KCTD1: variants seen among roughly 807,000 people sequenced by gnomAD.
The protein encoded by KCTD1 is BTB/POZ domain-containing protein KCTD1.
A neutral mutation model predicts 66.0 loss-of-function variants in KCTD1; 24 were observed. The observed-to-expected ratio is 0.36, with a 90% CI of 0.26 to 0.51. The LOEUF is 0.51. KCTD1 is among the 20% of genes least tolerant of loss of function. KCTD1 has a pLI of 0.95. For missense variants in KCTD1, 943 were observed against 1,205.2 expected (o/e 0.78, Z 3.22); for synonymous variants, 511 against 517.2 (o/e 0.99, Z 0.16).
chr18:26,524,359 C>T (rs892783525), intron 1 of KCTD1, among the ~76,000 whole-genome samples: 25 of 152,160 alleles, frequency 1.6e-4, no homozygotes, highest in African/African-American at 6.0e-4. Context: ...CAAAGCTTCC[C>T]CTAATACAGA....
chr18:26,626,370 G>A (rs1398854702), intron 1 of KCTD1, among the ~76,000 whole-genome samples: 1 of 151,904 alleles, frequency 6.6e-6, no homozygotes, highest in African/African-American at 2.4e-5. Flanking sequence ...TTATCTATTG[G>A]TAAGTTCAAT....
At chr18:26,578,510 T>C (rs531886336) in intron 1 of KCTD1, among the ~76,000 whole-genome samples, 1 of 152,356 alleles carries the variant, frequency 6.6e-6, no homozygotes, top group African/African-American at 2.4e-5. Context: ...ACTCATTTTT[T>C]TAATAAAATT....
chr18:26,510,820 T>C (rs576489057), intron 1 of KCTD1, among the ~76,000 whole-genome samples: 162 of 152,364 alleles, frequency 1.1e-3, no homozygotes, highest in African/African-American at 3.7e-3. Flanking sequence ...ATAGCTACTA[T>C]TCACTTTTAA....
intron 1 of KCTD1, among the ~76,000 whole-genome samples, chr18:26,634,566 C>G (rs1987683566): frequency 6.6e-6 from 1 of 152,042 alleles, no homozygotes; most frequent in African/African-American, 2.4e-5. Context: ...GAGCTAAAAA[C>G]AACAGTATGT....
At chr18:26,553,827 T>A (rs1272588036) in intron 1 of KCTD1, among the ~76,000 whole-genome samples, 2 of 135,406 alleles carry the variant, frequency 1.5e-5, no homozygotes, top group Admixed American at 7.4e-5. Context: ...CCAGAGAGGG[T>A]AAAAAAAAAA....
intron 1 of KCTD1, among the ~76,000 whole-genome samples, chr18:26,570,088 A>T (rs1366577432): frequency 6.6e-6 from 1 of 151,844 alleles, no homozygotes; most frequent in Non-Finnish European, 1.5e-5. Context: ...AGGGAGGCTG[A>T]GGCAAGAGAA....
chr18:26,478,053 CT>C (rs1981440081), intron 2 of KCTD1, among the ~76,000 whole-genome samples: 1 of 152,184 alleles, frequency 6.6e-6, no homozygotes, highest in Admixed American at 6.5e-5. Context: ...CTAAAATATG[CT>C]TAGTCACTTA....
intron 1 of KCTD1, chr18:26,599,394 T>G: frequency 3.1e-6 from 5 of 1,610,696 alleles, no homozygotes; most frequent in Non-Finnish European, 4.2e-6. Context: ...CTGTCAGTAC[T>G]GCACTGCAAG....
chr18:26,614,090 C>T (rs1987194696), intron 1 of KCTD1, among the ~76,000 whole-genome samples: 1 of 152,218 alleles, frequency 6.6e-6, no homozygotes, highest in Non-Finnish European at 1.5e-5. Context: ...AAAATATCTA[C>T]ACATATACGT....
chr18:26,519,593 C>T (rs1307396933), intron 1 of KCTD1, among the ~76,000 whole-genome samples: 1 of 152,196 alleles, frequency 6.6e-6, no homozygotes, highest in Non-Finnish European at 1.5e-5. Context: ...TTTATATAAA[C>T]TAAGACTCAA....
Position 26,547,907 on chromosome 18 carries a change from G to C in KCTD1, c.630C>G (p.Ser210=). The C allele has an allele frequency of 6.5e-7, 1 of 1,543,812 alleles. No individual in the cohort carries two copies. The highest frequency in any genetic ancestry group is 1.2e-5 in the South Asian group (1 of 84,068). ...TTTTGGAGCGGGCCTCGGCATAGAA[G>C]GAGCGCAGCACGCGGCACAGCGCCC... is the stretch of plus-strand genomic sequence containing the variant. ...DKGALCRVLR[S]FYAEARSKSG... Residue 210 remains serine, a synonymous_variant, in exon 1 of 5, where the codon TCC becomes TCG. Transcript: ENST00000580059.
At chr18:26,561,168 GA>G (rs10708413) in intron 1 of KCTD1, among the ~76,000 whole-genome samples, 144,587 of 150,616 alleles carry the variant, frequency 0.96, 69,486 homozygotes, top group East Asian at 1. Context: ...CCCATTTGCT[GA>G]AAAAAAAAAA....
intron 2 of KCTD1, among the ~76,000 whole-genome samples, chr18:26,499,299 A>C (rs557531147): frequency 3.2e-4 from 49 of 152,344 alleles, no homozygotes; most frequent in African/African-American, 1.2e-3. Flanking sequence ...GAGGGTCGGA[A>C]GGAATGGAAA....
Position 26,462,341 on chromosome 18 carries a change from TCATGGGCCTAGCGCTGA to T in KCTD1, c.2134-2433_2134-2417del, listed in dbSNP as rs1339150962. On this transcript the variant is annotated intron_variant, in intron 3 of 4. Transcript: ENST00000580059. ...GTCATCTTGCCCCTGGGCTAGAGTC[TCATGGGCCTAGCGCTGA>T]ACTGCTTTAAGCCACCAGGTGTTCT... Among the ~76,000 whole-genome samples the T allele has an allele frequency of 2.0e-5, 3 of 152,378 alleles. No homozygotes were observed. In the East Asian group the frequency reaches 5.8e-4, roughly 29 times the overall value.
chr18:26,595,668 A>G (rs1986749605), intron 1 of KCTD1, among the ~76,000 whole-genome samples: 1 of 152,178 alleles, frequency 6.6e-6, no homozygotes, highest in African/African-American at 2.4e-5. Flanking sequence ...TCACTGCTGG[A>G]CTTCTTGGGC....
intron 1 of KCTD1, among the ~76,000 whole-genome samples, chr18:26,647,908 C>T (rs1188944670): frequency 1.3e-5 from 2 of 151,964 alleles, no homozygotes; most frequent in Admixed American, 6.6e-5. Flanking sequence ...GGCATAATCT[C>T]GGCTCACTGC....
In KCTD1 at chr18:26,546,995, G is replaced by T; in HGVS notation, c.1542C>A (p.Tyr514Ter). The T allele has an allele frequency of 6.9e-7, 1 of 1,450,748 alleles. No homozygotes were observed. Among genetic ancestry groups the T allele is most frequent in the Non-Finnish European group, 9.2e-7 (1 of 1,090,644 alleles). 89.9% of individuals were successfully genotyped at this position (1,450,748 alleles called of 1,614,324 possible). Residue 514 changes from tyrosine to a stop codon, truncating the protein, a stop_gained, in exon 1 of 5, where the codon TAC becomes TAA. Coordinates refer to ENST00000580059, the MANE Select transcript of KCTD1 (RefSeq NM_001142730.3). LOFTEE classifies it high-confidence loss of function. ...RPQPPSLGNTYILPKDSQVGP... is the reference protein window; with the variant it reads ...RPQPPSLGNT ...CGACCTGGCTGTCTTTGGGGAGGAT[G>T]TAAGTGTTCCCCAGCGAGGGCGGCT...
chr18:26,608,702 T>C (rs547507984), intron 1 of KCTD1, among the ~76,000 whole-genome samples: 5 of 152,314 alleles, frequency 3.3e-5, no homozygotes, highest in Non-Finnish European at 7.3e-5. Flanking sequence ...TCCTAAGTCT[T>C]ATTGTGCACA....
chr18:26,478,748 C>T (rs1598884863), intron 2 of KCTD1, among the ~76,000 whole-genome samples: 1 of 152,226 alleles, frequency 6.6e-6, no homozygotes, highest in African/African-American at 2.4e-5. Context: ...GAATCGACTT[C>T]TCTGTCTCCA....
Sources: gnomAD v4.1 joint callset for allele counts (sites outside exome capture counted in the v4.1 genomes callset) on GRCh38, gnomAD v4.1.1 for gene constraint, MANE v1.5 for transcripts, NCBI Gene and HGNC (gene_info 2026-07-23, HGNC 2026-07-21) for gene names.